Variants in RAB31 observed in about 807,000 individuals in gnomAD.
RAB31 encodes the protein RAB31, member RAS oncogene family, also known as ras-related protein Rab-31.
In RAB31, 21 loss-of-function variants were observed where a neutral mutation model predicts 25.6. The observed-to-expected ratio is 0.82, with a 90% CI of 0.58 to 1.18. RAB31 has a LOEUF of 1.18. RAB31 is among the 50% of genes most tolerant of loss of function. The pLI is 0.00. For synonymous variants in RAB31, 87 were observed against 84.0 expected (o/e 1.04, Z -0.20); for missense variants, 196 against 250.1 (o/e 0.78, Z 1.46).
At chr18:9,826,505 C>T (rs1021464096) in intron 5 of RAB31, among the ~76,000 whole-genome samples, 1 of 152,090 alleles carries the variant, frequency 6.6e-6, no homozygotes, top group Non-Finnish European at 1.5e-5. Flanking sequence ...CCTCTCTGCC[C>T]CCTTTCACAC....
Position 9,853,401 on chromosome 18 carries a change from T to C in RAB31, c.491-5827T>C, listed in dbSNP as rs571455044. Among the ~76,000 whole-genome samples the C allele has an allele frequency of 1.4e-4, 21 of 152,328 alleles. No homozygotes were observed. In the South Asian group the frequency reaches 4.3e-3, roughly 32 times the overall value. ...ATAAAAAATGTGGAAGAACCTTAAA[T>C]GCATATTGCTGAGTGAAAGGAGCCA... On this transcript the variant is annotated intron_variant, in intron 6 of 6. Coordinates refer to ENST00000578921, the MANE Select transcript of RAB31 (RefSeq NM_006868.4).
At chr18:9,836,232 G>A (rs1344703165) in intron 5 of RAB31, among the ~76,000 whole-genome samples, 4 of 151,936 alleles carry the variant, frequency 2.6e-5, no homozygotes, top group Non-Finnish European at 5.9e-5. Context: ...AAACATGTAA[G>A]GAGACGTTAA....
intron 1 of RAB31, among the ~76,000 whole-genome samples, chr18:9,717,626 T>C (rs2068051260): frequency 6.6e-6 from 1 of 152,054 alleles, no homozygotes; most frequent in African/African-American, 2.4e-5. Context: ...ATATAATGTG[T>C]CGCTCTGGGA....
intron 6 of RAB31, among the ~76,000 whole-genome samples, chr18:9,850,727 A>G (rs1313147878): frequency 6.6e-6 from 1 of 152,152 alleles, no homozygotes; most frequent in African/African-American, 2.4e-5. Context: ...ATATATGGGC[A>G]TGGCGGTGTG....
rs1567876245 is a variant in RAB31 at position 9,859,284 on chromosome 18, G to A, written c.547G>A (p.Val183Ile). The A allele has an allele frequency of 3.1e-6, 5 of 1,613,910 alleles. No individual in the cohort carries two copies. Among genetic ancestry groups the A allele is most frequent in the Non-Finnish European group, 4.2e-6 (5 of 1,179,838 alleles). ...AAATGGAAACAATGGAACAATCAAAGTTGAGAAGCCAACCATGCAAGCCAG... is the reference window on the plus strand; with the variant it reads ...AAATGGAAACAATGGAACAATCAAAATTGAGAAGCCAACCATGCAAGCCAG... ...HENGNNGTIK[V>I]EKPTMQASRR... The change falls in exon 7 of 7, where the codon GTT (valine) becomes ATT (isoleucine). Residue 183 changes from valine (V) to isoleucine (I), a missense_variant. By Grantham distance (29) the Val-to-Ile change is conservative. Coordinates refer to ENST00000578921, the MANE Select transcript of RAB31 (RefSeq NM_006868.4).
intron 1 of RAB31, among the ~76,000 whole-genome samples, chr18:9,713,822 G>T (rs572188020): frequency 3.2e-4 from 49 of 152,274 alleles, no homozygotes; most frequent in African/African-American, 1.2e-3. Context: ...GTGAGGGCTC[G>T]ATTTCTGGTT....
At chr18:9,858,490 A>G (rs2068830466) in intron 6 of RAB31, among the ~76,000 whole-genome samples, 1 of 152,210 alleles carries the variant, frequency 6.6e-6, no homozygotes. Flanking sequence ...TCAATTTTAG[A>G]AAAATCACCT....
Position 9,766,704 on chromosome 18 carries a change from C to T in RAB31, c.40-8574C>T, listed in dbSNP as rs373209864. On this transcript the variant is annotated intron_variant, in intron 1 of 6. Transcript: ENST00000578921. This position sits in a 1 kb window ranked among gnomAD's most constrained non-coding sequence, Gnocchi z 4.3. ...GGCGCATGGCTCACACCGGTAATCT[C>T]AGCACTTTGGGAGGCTGAGGTGGGG... 5.9e-5 allele frequency among the ~76,000 whole-genome samples: 9 copies of T among 152,304 alleles called. No homozygotes were observed. Among genetic ancestry groups the T allele is most frequent in the Admixed American group, 2.0e-4 (3 of 15,296 alleles).
chr18:9,761,594 A>G (rs1444970603), intron 1 of RAB31, among the ~76,000 whole-genome samples: 1 of 152,120 alleles, frequency 6.6e-6, no homozygotes, highest in African/African-American at 2.4e-5. Flanking sequence ...GCCTGCAGTC[A>G]TCTCATGATG....
At chr18:9,737,732 A>T (rs568523372) in intron 1 of RAB31, among the ~76,000 whole-genome samples, 6 of 152,220 alleles carry the variant, frequency 3.9e-5, no homozygotes, top group Non-Finnish European at 8.8e-5. Flanking sequence ...TGCAGGCTAG[A>T]GCAAATTGTC....
chr18:9,833,214 C>T (rs993721729), intron 5 of RAB31, among the ~76,000 whole-genome samples: 2 of 152,318 alleles, frequency 1.3e-5, no homozygotes, highest in South Asian at 2.1e-4. Flanking sequence ...ACTGAGACAG[C>T]GCTCCAGCCG....
At chr18:9,818,601 A>G (rs2068610853) in intron 5 of RAB31, among the ~76,000 whole-genome samples, 1 of 152,202 alleles carries the variant, frequency 6.6e-6, no homozygotes, top group Non-Finnish European at 1.5e-5. Flanking sequence ...TAACATTTGA[A>G]TTATTTCTAC....
intron 5 of RAB31, among the ~76,000 whole-genome samples, chr18:9,824,901 G>A (rs897137319): frequency 2.6e-5 from 4 of 152,224 alleles, no homozygotes; most frequent in African/African-American, 9.6e-5. Flanking sequence ...AAAGCAAAGT[G>A]GAATGTGAGA....
Position 9,860,875 on chromosome 18 carries a change from G to C in RAB31, c.*1550G>C, listed in dbSNP as rs2068843859. 4 of 152,186 alleles carry C rather than the reference G, an allele frequency of 2.6e-5. No homozygotes were observed. The highest frequency in any genetic ancestry group is 1.3e-4 in the Admixed American group (2 of 15,286). The allele number at this position is 152,186 out of a possible 1,614,324, so 9.4% of individuals were successfully genotyped here. A position where few individuals can be genotyped will look rare whatever the true frequency, so the allele number is the denominator to read the frequency against. On this transcript the variant is annotated 3_prime_UTR_variant, in exon 7 of 7. Transcript: ENST00000578921. ...CGCTTCCACTTCACTCAACTTAAGA[G>C]AGTTCATTGACAGTGTTAGGATGTG...
chr18:9,747,747 G>A (rs1216410668), intron 1 of RAB31, among the ~76,000 whole-genome samples: 5 of 152,212 alleles, frequency 3.3e-5, no homozygotes, highest in Admixed American at 1.3e-4. Context: ...GGAGTGATTT[G>A]GGGGTGAAGA....
chr18:9,810,781 T>C (rs2068566369), intron 3 of RAB31, among the ~76,000 whole-genome samples: 1 of 152,240 alleles, frequency 6.6e-6, no homozygotes, highest in African/African-American at 2.4e-5. Flanking sequence ...TCCATGAATA[T>C]CTTTACTTTT....
chr18:9,853,003 A>G (rs560755943), intron 6 of RAB31, among the ~76,000 whole-genome samples: 2 of 152,156 alleles, frequency 1.3e-5, no homozygotes, highest in Non-Finnish European at 2.9e-5. Context: ...GTGTCTTTTC[A>G]TGAGCTTGTT....
chr18:9,778,217 G>A (rs868104326), intron 2 of RAB31, among the ~76,000 whole-genome samples: 2 of 152,162 alleles, frequency 1.3e-5, no homozygotes, highest in Admixed American at 6.5e-5. Context: ...AAGTTGCTGT[G>A]CCAGCCCAGA....
chr18:9,805,303 A>G (rs4798866), intron 3 of RAB31, among the ~76,000 whole-genome samples: 148,565 of 151,376 alleles, frequency 0.98, 72,970 homozygotes, highest in East Asian at 1. Flanking sequence ...AAAAGAAATA[A>G]GTATCACTGG....
Sources: gnomAD v4.1 joint callset for allele counts (sites outside exome capture counted in the v4.1 genomes callset) on GRCh38, gnomAD v4.1.1 for gene constraint, Gnocchi (gnomAD v3.1) non-coding constraint, MANE v1.5 for transcripts, NCBI Gene and HGNC (gene_info 2026-07-23, HGNC 2026-07-21) for gene names.